Variants in KANK1 observed in about 807,000 individuals in gnomAD.
KANK1 encodes the protein KN motif and ankyrin repeat domains 1, also known as KN motif and ankyrin repeat domain-containing protein 1.
In KANK1, 109 loss-of-function variants were observed where a neutral mutation model predicts 106.2. That is an observed-to-expected ratio of 1.03 (90% CI 0.88 to 1.20). The LOEUF is 1.20. KANK1 is among the 50% of genes most tolerant of loss of function. The pLI is 0.00. For synonymous variants in KANK1, 873 were observed against 652.2 expected, an observed-to-expected ratio of 1.34 and a Z score of -5.16; for missense variants, 2,399 against 1,710.7, an observed-to-expected ratio of 1.40 and a Z score of -7.10.
intron 1 of KANK1, among the ~76,000 whole-genome samples, chr9:566,509 C>T (rs7021794): frequency 0.062 from 9,457 of 152,238 alleles, 772 homozygotes; most frequent in East Asian, 0.22. Flanking sequence ...TCTGCAACCT[C>T]GCCAGCACCT....
chr9:643,562 T>C (rs1377740934), intron 1 of KANK1, among the ~76,000 whole-genome samples: 1 of 147,206 alleles, frequency 6.8e-6, no homozygotes, highest in East Asian at 1.9e-4. Flanking sequence ...TTTTTTTTTT[T>C]TTGGTAGTGA....
At chr9:723,434 A>G (rs1829871251) in intron 3 of KANK1, among the ~76,000 whole-genome samples, 1 of 152,158 alleles carries the variant, frequency 6.6e-6, no homozygotes, top group Non-Finnish European at 1.5e-5. Context: ...TACATCTACC[A>G]AATTCCATCC....
chr9:635,056 G>T (rs1753104045), intron 1 of KANK1, among the ~76,000 whole-genome samples: 1 of 152,106 alleles, frequency 6.6e-6, no homozygotes, highest in African/African-American at 2.4e-5. Context: ...GAGTCACATG[G>T]TCCTTTACAA....
chr9:573,262 T>TTTA (rs376782211), intron 1 of KANK1, among the ~76,000 whole-genome samples: 9 of 151,642 alleles, frequency 5.9e-5, no homozygotes, highest in African/African-American at 1.2e-4. Context: ...AAAATGAGGA[T>TTTA]TTATTATTAT....
rs1269451396 is a variant in KANK1, at chr9:548,718, TTTAA to T, written c.-84+43969_-84+43972del. On this transcript the variant is annotated intron_variant, in intron 1 of 11. Transcript: ENST00000382297. ...TTGCATAGTTTCTCTGGGAATTGAA[TTTAA>T]TTAAAATTTTTTTATCAAGATTTTT... 2.0e-5 allele frequency among the ~76,000 whole-genome samples: 3 copies of T among 152,210 alleles called. No individual in the cohort carries two copies. In the East Asian group the frequency reaches 5.8e-4, roughly 29 times the overall value.
intron 1 of KANK1, among the ~76,000 whole-genome samples, chr9:554,425 G>A (rs2061459872): frequency 6.6e-6 from 1 of 152,150 alleles, no homozygotes; most frequent in Non-Finnish European, 1.5e-5. Context: ...CCACACTGAT[G>A]AGCATCCATG....
chr9:568,789 A>G (rs1437328313), intron 1 of KANK1, among the ~76,000 whole-genome samples: 1 of 152,188 alleles, frequency 6.6e-6, no homozygotes, highest in African/African-American at 2.4e-5. Context: ...GCCAAGGTTG[A>G]TTTTTTAAAA....
chr9:687,072 T>C (rs550968506), intron 2 of KANK1, among the ~76,000 whole-genome samples: 1 of 152,214 alleles, frequency 6.6e-6, no homozygotes, highest in African/African-American at 2.4e-5. Context: ...ATTGGGGTGT[T>C]GTTTGGGGAC....
intron 1 of KANK1, among the ~76,000 whole-genome samples, chr9:590,418 C>T (rs796488120): frequency 1.2e-4 from 18 of 152,234 alleles, no homozygotes; most frequent in African/African-American, 3.6e-4. Context: ...CTCTCCATTT[C>T]CTCCTTTACC....
Position 660,190 on chromosome 9 carries a change from C to T in KANK1, c.-83-16700C>T, listed in dbSNP as rs1218393769. ...TGAAGGCATTTAAAAAGAAATTTGC[C>T]TGCAATGATACTGTAATTGAGCATC... On this transcript the variant is annotated intron_variant, in intron 1 of 11. Transcript: ENST00000382297. The T allele has an allele frequency of 2.0e-5, 6 of 297,122 alleles. No individual in the cohort carries two copies. In the South Asian group the frequency reaches 2.3e-4, roughly 11 times the overall value. 18.4% of individuals were successfully genotyped at this position (297,122 alleles called of 1,614,324 possible). A position where few individuals can be genotyped will look rare whatever the true frequency, so the allele number is the denominator to read the frequency against.
chr9:583,020 A>C (rs1242068286), intron 1 of KANK1, among the ~76,000 whole-genome samples: 1 of 152,208 alleles, frequency 6.6e-6, no homozygotes, highest in Non-Finnish European at 1.5e-5. Context: ...TTAATAGTAA[A>C]GATATGTCAT....
upstream of KANK1, among the ~76,000 whole-genome samples, chr9:502,853 G>A (rs990551595): frequency 6.6e-6 from 1 of 151,874 alleles, no homozygotes; most frequent in Non-Finnish European, 1.5e-5. Context: ...ATTTATTTTT[G>A]AGACAGGGTC....
At chr9:721,967 C>T (rs1389759842) in intron 3 of KANK1, among the ~76,000 whole-genome samples, 1 of 152,228 alleles carries the variant, frequency 6.6e-6, no homozygotes, top group Non-Finnish European at 1.5e-5. Flanking sequence ...CCATAGCTCA[C>T]ACCTCAGGAT....
chr9:572,374 C>T (rs1819428909), intron 1 of KANK1, among the ~76,000 whole-genome samples: 1 of 151,792 alleles, frequency 6.6e-6, no homozygotes, highest in African/African-American at 2.4e-5. Flanking sequence ...CACAGTGAAA[C>T]CCCGTCTCTA....
At chr9:693,299 G>C (rs1297039602) in intron 2 of KANK1, 1 of 757,884 alleles carries the variant, frequency 1.3e-6, no homozygotes, top group Non-Finnish European at 1.6e-6. Context: ...TCACAAGCCA[G>C]CTGCTGTGCT....
intron 2 of KANK1, among the ~76,000 whole-genome samples, chr9:696,332 A>G (rs1314276747): frequency 6.6e-6 from 1 of 152,068 alleles, no homozygotes; most frequent in African/African-American, 2.4e-5. Context: ...AGACACTTAG[A>G]GTCTGGTAGA....
intron 1 of KANK1, among the ~76,000 whole-genome samples, chr9:616,842 A>G (rs919806850): frequency 6.6e-5 from 10 of 152,196 alleles, no homozygotes; most frequent in African/African-American, 2.2e-4. Context: ...AAAGTTCCAC[A>G]CTAGCCCTTA....
chr9:740,769 C>CTT lies in KANK1; in HGVS notation c.3554-6_3554-5dup, dbSNP rs58169581. 4,076 of 1,502,988 alleles carry CTT rather than the reference C, an allele frequency of 2.7e-3. 49 individuals are homozygous for CTT. In the African/African-American group the frequency reaches 0.041, roughly 15 times the overall value. 93.1% of individuals were successfully genotyped at this position (1,502,988 alleles called of 1,614,324 possible). A position where few individuals can be genotyped will look rare whatever the true frequency, so the allele number is the denominator to read the frequency against. ...TTAGAAGGGGCTGCTTCCTAAGAGA[C>CTT]TTTTTTTTTTTTTTTTTTACAGATG... is the stretch of plus-strand genomic sequence containing the variant. On this transcript the variant is annotated intron_variant, in intron 8 of 11. Coordinates refer to ENST00000382297, the MANE Select transcript of KANK1 (RefSeq NM_015158.5).
rs558868154 is a variant in KANK1, at chr9:731,366, C to T, written c.3005+100C>T. On this transcript the variant is annotated intron_variant, in intron 5 of 11. Coordinates refer to ENST00000382297, the MANE Select transcript of KANK1 (RefSeq NM_015158.5). ...CGCCTAGTCGGGGAAGCGGCCACAG[C>T]GCAGTGATGAAAGATTCCCTCCTCA... 1.6e-4 allele frequency: 102 copies of T among 636,846 alleles called. 1 individual carries two copies. In the Middle Eastern group the frequency reaches 1.9e-3, roughly 12 times the overall value. The allele number at this position is 636,846 out of a possible 1,614,324, so 39.4% of individuals were successfully genotyped here.
Sources: gnomAD v4.1 joint callset for allele counts (sites outside exome capture counted in the v4.1 genomes callset) on GRCh38, gnomAD v4.1.1 for gene constraint, MANE v1.5 for transcripts, NCBI Gene and HGNC (gene_info 2026-07-23, HGNC 2026-07-21) for gene names.